The following LANCL1 variants were observed in gnomAD, a reference collection of about 807,000 sequenced individuals.
The protein encoded by LANCL1 is LanC like glutathione S-transferase 1.
In LANCL1, 50 loss-of-function variants were observed where a neutral mutation model predicts 50.6. The ratio of observed to expected loss-of-function variants is 0.99; its 90% CI spans 0.79 to 1.25. The LOEUF (loss-of-function observed/expected upper bound fraction) is 1.25. Ranked by LOEUF, LANCL1 falls within the 50% of genes most tolerant of loss-of-function variation. The pLI is 0.00. For synonymous variants in LANCL1, 188 were observed against 178.6 expected, an observed-to-expected ratio of 1.05 and a Z score of -0.42; for missense variants, 532 against 480.7, an observed-to-expected ratio of 1.11 and a Z score of -1.00.
intron 5 of LANCL1, 76 bp from the exon 6 acceptor site, chr2:210,440,820 C>T (rs1415992812): frequency 2.0e-5 from 27 of 1,337,982 alleles, no homozygotes; most frequent in Non-Finnish European, 2.7e-5. Flanking sequence ...GACTTTTTTG[C>T]TAAGAGGTAC....
Position 210,476,658 on chromosome 2 carries a change from GCCCGCGACTTGAAGCAAGTGCGCCT to G in LANCL1, c.-80_-56del. 8.1e-7 allele frequency: 1 copy of G among 1,238,794 alleles called. No individual in the cohort carries two copies. Among genetic ancestry groups the G allele is most frequent in the Non-Finnish European group, 1.0e-6 (1 of 987,606 alleles). The allele number at this position is 1,238,794 out of a possible 1,614,324, so 76.7% of individuals were successfully genotyped here. On this transcript the variant is annotated 5_prime_UTR_variant, in exon 1 of 10. Transcript: ENST00000450366. ...CCCCGTTTTGCAACCCCGTTCCCAC[GCCCGCGACTTGAAGCAAGTGCGCCT>G]CCCGCGTCCTGAAGCCCTTCTCGGC...
At chr2:210,472,988 A>C (rs1194310683) in intron 2 of LANCL1, among the ~76,000 whole-genome samples, 1 of 152,208 alleles carries the variant, frequency 6.6e-6, no homozygotes, top group African/African-American at 2.4e-5. Context: ...GATGCTGTGC[A>C]AACAGTGAGG....
intron 2 of LANCL1, among the ~76,000 whole-genome samples, chr2:210,473,232 G>A (rs533288382): frequency 6.6e-5 from 10 of 152,130 alleles, no homozygotes; most frequent in Admixed American, 2.6e-4. Flanking sequence ...AAAATTAGTC[G>A]GGCATGGTGG....
At chr2:210,459,573 G>A (rs917200494) in intron 3 of LANCL1, among the ~76,000 whole-genome samples, 3 of 151,978 alleles carry the variant, frequency 2.0e-5, no homozygotes, top group East Asian at 3.9e-4. Flanking sequence ...AGTGGCTGTC[G>A]CGATGGAAAT....
chr2:210,455,740 GA>G (rs1358220214), intron 3 of LANCL1, among the ~76,000 whole-genome samples: 1 of 150,854 alleles, frequency 6.6e-6, no homozygotes, highest in Non-Finnish European at 1.5e-5. Context: ...GTGAACTAAA[GA>G]AATTCAAAGA....
intron 4 of LANCL1, among the ~76,000 whole-genome samples, chr2:210,450,643 CAT>C (rs1299641101): frequency 1.3e-5 from 2 of 151,700 alleles, no homozygotes; most frequent in African/African-American, 4.8e-5. Flanking sequence ...AAGAAAAAAA[CAT>C]AACTCCATCA....
intron 4 of LANCL1, among the ~76,000 whole-genome samples, chr2:210,450,127 A>G (rs1456360455): frequency 6.6e-6 from 1 of 152,204 alleles, no homozygotes; most frequent in Non-Finnish European, 1.5e-5. Context: ...ACAGCATGGT[A>G]CTGGTACCAA....
chr2:210,450,671 A>G (rs979704351), intron 4 of LANCL1, among the ~76,000 whole-genome samples: 2 of 152,252 alleles, frequency 1.3e-5, no homozygotes, highest in African/African-American at 2.4e-5. Context: ...TGGGCAAAAG[A>G]TATGAACAGA....
At position 210,476,364 on chromosome 2, in the gene LANCL1, A is replaced by C; in HGVS notation, c.33T>G (p.Ala11=). The change falls in exon 2 of 10, where the codon GCT becomes GCG. Residue 11 remains alanine, a synonymous_variant. Transcript: ENST00000450366. ...CTTCGGCCAGGGATTTGTTATAATC[A>C]GCATAAGGATTCGGGAAGGCCCTTT... MAQRAFPNPY[A]DYNKSLAEGY... is the part of the protein sequence containing the mutation. 6.2e-7 allele frequency: 1 copy of C among 1,614,130 alleles called. No individual in the cohort carries two copies. The highest frequency in any genetic ancestry group is 8.5e-7 in the Non-Finnish European group (1 of 1,180,026).
At chr2:210,469,790 T>C (rs1330944150) in intron 3 of LANCL1, among the ~76,000 whole-genome samples, 1 of 152,196 alleles carries the variant, frequency 6.6e-6, no homozygotes, top group Admixed American at 6.5e-5. Context: ...GCCCTAGCAA[T>C]ATAAGGGCCT....
intron 3 of LANCL1, among the ~76,000 whole-genome samples, chr2:210,456,140 C>T (rs1693667468): frequency 2.6e-5 from 4 of 152,172 alleles, no homozygotes; most frequent in Admixed American, 2.6e-4. Context: ...TCAGGGCAGA[C>T]TCAAAGATGT....
chr2:210,433,255 A>T lies in LANCL1; in HGVS notation c.*1232T>A, dbSNP rs1692806427. The T allele has an allele frequency of 6.6e-6, 1 of 152,434 alleles. No homozygotes were observed. The highest frequency in any genetic ancestry group is 2.1e-4 in the South Asian group (1 of 4,826). 9.4% of individuals were successfully genotyped at this position (152,434 alleles called of 1,614,324 possible). A position where few individuals can be genotyped will look rare whatever the true frequency, so the allele number is the denominator to read the frequency against. ...TTGAACAGAATTTGAAGCACCAGAG[A>T]GTCTTTATCTACTACGGAAAACCTG... is the stretch of plus-strand genomic sequence containing the variant. On this transcript the variant is annotated 3_prime_UTR_variant, in exon 10 of 10. Transcript: ENST00000450366.
At chr2:210,446,553 T>A (rs1337213396) in intron 4 of LANCL1, among the ~76,000 whole-genome samples, 1 of 151,610 alleles carries the variant, frequency 6.6e-6, no homozygotes, top group East Asian at 2.0e-4. Context: ...AATAACAAAC[T>A]CCCCTGAGCT....
chr2:210,449,050 A>G (rs1693434079), intron 4 of LANCL1, among the ~76,000 whole-genome samples: 1 of 152,190 alleles, frequency 6.6e-6, no homozygotes, highest in African/African-American at 2.4e-5. Flanking sequence ...CACAACAAAA[A>G]AAAGAAAATT....
intron 3 of LANCL1, among the ~76,000 whole-genome samples, chr2:210,466,331 G>T (rs1288770510): frequency 6.6e-6 from 1 of 152,176 alleles, no homozygotes; most frequent in Non-Finnish European, 1.5e-5. Flanking sequence ...GGAACGGATT[G>T]TCAGTGCTAT....
intron 3 of LANCL1, among the ~76,000 whole-genome samples, chr2:210,463,432 T>C (rs138481382): frequency 2.0e-4 from 30 of 152,292 alleles, no homozygotes; most frequent in African/African-American, 6.7e-4. Flanking sequence ...CTTAAAATGG[T>C]GCCTGGCATA....
chr2:210,458,045 T>C (rs997412708), intron 3 of LANCL1, among the ~76,000 whole-genome samples: 5 of 152,136 alleles, frequency 3.3e-5, no homozygotes, highest in Non-Finnish European at 5.9e-5. Context: ...TTTATTTCCT[T>C]TTCTACTTTC....
chr2:210,468,112 A>G (rs1309133808), intron 3 of LANCL1: 1 of 152,148 alleles, frequency 6.6e-6, no homozygotes, highest in Non-Finnish European at 1.5e-5. Flanking sequence ...ACTTAGCTCT[A>G]GGAAAATTAT....
Position 210,472,041 on chromosome 2 carries a change from C to G in LANCL1, c.117G>C (p.Lys39Asn), listed in dbSNP as rs369638285. 2.5e-6 allele frequency: 4 copies of G among 1,614,000 alleles called. No individual in the cohort carries two copies. In the African/African-American group the frequency reaches 5.3e-5, roughly 22 times the overall value. The change falls in exon 3 of 10, where the codon AAG becomes AAC. Residue 39 changes from lysine (K) to asparagine (N), a missense_variant. By Grantham distance (94) the Lys-to-Asn change is moderately conservative. Transcript: ENST00000450366. ...TPEFSQRLTN[K>N]IRELLQQMER... Reference sequence around the variant, plus strand: ...CCATTTGCTGAAGAAGCTCCCGAATCTTATTGGTCAAGCGTTGTGAGAACT... The same window carrying G: ...CCATTTGCTGAAGAAGCTCCCGAATGTTATTGGTCAAGCGTTGTGAGAACT...
Sources: gnomAD v4.1 joint callset for allele counts (sites outside exome capture counted in the v4.1 genomes callset) on GRCh38, gnomAD v4.1.1 for gene constraint, MANE v1.5 for transcripts, NCBI Gene and HGNC (gene_info 2026-07-23, HGNC 2026-07-21) for gene names.